The following C5orf47 variants were observed in gnomAD, a reference collection of about 807,000 sequenced individuals.
The protein encoded by C5orf47 is uncharacterized protein C5orf47.
In C5orf47, 20 loss-of-function variants were observed where a neutral mutation model predicts 20.6. That is an observed-to-expected ratio of 0.97 (90% CI 0.68 to 1.41). The LOEUF is 1.41. Ranked by LOEUF, C5orf47 falls within the 40% of genes most tolerant of loss-of-function variation. C5orf47 has a pLI of 0.00. For synonymous variants in C5orf47, 106 were observed against 97.3 expected (o/e 1.09, Z -0.53); for missense variants, 262 against 238.4 (o/e 1.10, Z -0.65).
At chr5:173,994,385 G>A (rs1475756113) in intron 1 of C5orf47, among the ~76,000 whole-genome samples, 1 of 152,134 alleles carries the variant, frequency 6.6e-6, no homozygotes, top group African/African-American at 2.4e-5. Flanking sequence ...GAAGTGTTTT[G>A]GAGCTTCTTC....
intron 1 of C5orf47, among the ~76,000 whole-genome samples, chr5:173,991,933 T>C (rs1487454824): frequency 6.6e-6 from 1 of 152,208 alleles, no homozygotes; most frequent in Non-Finnish European, 1.5e-5. Context: ...TAGAACCTAG[T>C]GCTTTTTGAG....
chr5:173,995,729 A>G (rs1243684595), intron 1 of C5orf47, among the ~76,000 whole-genome samples: 3 of 152,260 alleles, frequency 2.0e-5, no homozygotes, highest in Non-Finnish European at 2.9e-5. Context: ...CACAGTGGAC[A>G]TGTGCTATTT....
downstream of C5orf47, among the ~76,000 whole-genome samples, chr5:174,007,717 T>C (rs1317955909): frequency 5.9e-5 from 9 of 151,946 alleles, no homozygotes; most frequent in Non-Finnish European, 8.8e-5. Context: ...GCCACCACAC[T>C]CGGCTAATTT....
At chr5:173,990,618 A>G (rs75323390) in intron 1 of C5orf47, among the ~76,000 whole-genome samples, 1 of 152,080 alleles carries the variant, frequency 6.6e-6, no homozygotes, top group African/African-American at 2.4e-5. Flanking sequence ...TTCTATTTTT[A>G]GTAGGGATGG....
intron 1 of C5orf47, 68 bp from the exon 2 acceptor site, chr5:173,998,085 A>G (rs1581195625): frequency 1.1e-6 from 1 of 910,556 alleles, no homozygotes; most frequent in Non-Finnish European, 1.7e-6. Flanking sequence ...AAACATTTAT[A>G]TGGTCTCTAT....
intron 3 of C5orf47, among the ~76,000 whole-genome samples, chr5:174,000,573 C>A (rs1170766379): frequency 6.6e-6 from 1 of 152,084 alleles, no homozygotes; most frequent in Non-Finnish European, 1.5e-5. Context: ...TCTATGGCAA[C>A]TTCTATTTCA....
Position 173,989,605 on chromosome 5 carries a change from G to GGGCGGGACCGGGCGC in C5orf47, c.325+24_325+38dup, listed in dbSNP as rs1214277586. 2 of 1,404,542 alleles carry GGGCGGGACCGGGCGC rather than the reference G, an allele frequency of 1.4e-6. No homozygotes were observed. Among genetic ancestry groups the GGGCGGGACCGGGCGC allele is most frequent in the Non-Finnish European group, 1.8e-6 (2 of 1,083,028 alleles). The allele number at this position is 1,404,542 out of a possible 1,614,324, so 87.0% of individuals were successfully genotyped here. A position where few individuals can be genotyped will look rare whatever the true frequency, so the allele number is the denominator to read the frequency against. On this transcript the variant is annotated intron_variant, in intron 1 of 4. Coordinates refer to ENST00000340147, the MANE Select transcript of C5orf47 (RefSeq NM_001144954.2). ...CGCGTGCAGGTGGTGCAGCGGGGCA[G>GGGCGGGACCGGGCGC]GGCGGGACCGGGCGCGGCGGGGCGG...
rs1759249541 is a variant in C5orf47, at chr5:174,004,333, A to AATGAATC, written c.*82_*88dup. 6.6e-6 allele frequency: 1 copy of AATGAATC among 152,228 alleles called. No individual in the cohort carries two copies. The highest frequency in any genetic ancestry group is 2.1e-4 in the South Asian group (1 of 4,830). 9.4% of individuals were successfully genotyped at this position (152,228 alleles called of 1,614,324 possible). A position where few individuals can be genotyped will look rare whatever the true frequency, so the allele number is the denominator to read the frequency against. On this transcript the variant is annotated 3_prime_UTR_variant, in exon 5 of 5. Transcript: ENST00000340147. Reference sequence around the variant, plus strand: ...TGAAGAATCTAAAGATGAAACATTAAATGAATCATAATTATTTGTTAATTT... The same window carrying AATGAATC: ...TGAAGAATCTAAAGATGAAACATTAAATGAATCATGAATCATAATTATTTGTTAATTT...
In C5orf47 at chr5:173,999,810, A is replaced by G; in HGVS notation, c.511+11A>G. On this transcript the variant is annotated intron_variant, in intron 3 of 4. Transcript: ENST00000340147. Reference sequence around the variant, plus strand: ...GGTTATCTAGTGAAAGTAAGTTAACACAATTTTTATTGTATTAAAAAGACT... The same window carrying G: ...GGTTATCTAGTGAAAGTAAGTTAACGCAATTTTTATTGTATTAAAAAGACT... 3 of 1,416,088 alleles carry G rather than the reference A, an allele frequency of 2.1e-6. No homozygotes were observed. The highest frequency in any genetic ancestry group is 1.9e-6 in the Non-Finnish European group (2 of 1,032,852). The allele number at this position is 1,416,088 out of a possible 1,614,324, so 87.7% of individuals were successfully genotyped here.
At position 173,989,192 on chromosome 5, in the gene C5orf47, T is replaced by G; in HGVS notation, c.-72T>G. On this transcript the variant is annotated 5_prime_UTR_variant, in exon 1 of 5. Transcript: ENST00000340147. ...CCTAACCGCTCCCGCATCCCTCGCCTGCACAGTGGGCAGTCTGGCGCCTGT... is the reference window on the plus strand; with the variant it reads ...CCTAACCGCTCCCGCATCCCTCGCCGGCACAGTGGGCAGTCTGGCGCCTGT... 2 of 1,303,632 alleles carry G rather than the reference T, an allele frequency of 1.5e-6. No individual in the cohort carries two copies. Among genetic ancestry groups the G allele is most frequent in the Non-Finnish European group, 2.0e-6 (2 of 1,023,666 alleles). 80.8% of individuals were successfully genotyped at this position (1,303,632 alleles called of 1,614,324 possible).
intron 3 of C5orf47, among the ~76,000 whole-genome samples, chr5:174,000,444 A>G (rs980131435): frequency 3.9e-5 from 6 of 152,162 alleles, no homozygotes; most frequent in African/African-American, 7.2e-5. Flanking sequence ...TAATAATGCA[A>G]TGTGAATTGA....
downstream of C5orf47, among the ~76,000 whole-genome samples, chr5:174,006,908 T>C (rs555115310): frequency 6.6e-6 from 1 of 152,334 alleles, no homozygotes; most frequent in East Asian, 1.9e-4. Context: ...TATGAAGCCA[T>C]TCTTCCCAAC....
chr5:174,003,722 G>A (rs1382192213), intron 4 of C5orf47, among the ~76,000 whole-genome samples: 1 of 152,160 alleles, frequency 6.6e-6, no homozygotes, highest in Non-Finnish European at 1.5e-5. Flanking sequence ...GGATTATAGG[G>A]ACTTAATCAG....
chr5:173,989,738 G>T, intron 1 of C5orf47, 150 bp downstream of exon 1: 1 of 692,136 alleles, frequency 1.4e-6, no homozygotes, highest in Non-Finnish European at 2.1e-6. Context: ...GGGCGAAGGA[G>T]AAGCCCAGTA....
At chr5:174,006,494 C>T (rs547609103), downstream of C5orf47, among the ~76,000 whole-genome samples, 11 of 152,180 alleles carry the variant, frequency 7.2e-5, no homozygotes, top group African/African-American at 2.6e-4. Flanking sequence ...AAAAAACAAA[C>T]AGTGGAATAT....
downstream of C5orf47, among the ~76,000 whole-genome samples, chr5:174,006,641 T>G (rs1290318282): frequency 6.6e-6 from 1 of 152,134 alleles, no homozygotes; most frequent in Non-Finnish European, 1.5e-5. Context: ...AATAATGGTC[T>G]TGAGTTTAGG....
intron 4 of C5orf47, among the ~76,000 whole-genome samples, chr5:174,002,417 G>T (rs988072029): frequency 2.6e-5 from 4 of 152,068 alleles, no homozygotes; most frequent in Non-Finnish European, 4.4e-5. Context: ...TTGAATTTTG[G>T]GCTGAGGATT....
Position 174,001,670 on chromosome 5 carries a change from T to C in C5orf47, c.*16+439T>C, listed in dbSNP as rs113943506. Reference sequence around the variant, plus strand: ...TCTTAGTATCCTGTAGGCTGTGTTATGGCCCTTGTCCTGCCTCACTTACCA... The same window carrying C: ...TCTTAGTATCCTGTAGGCTGTGTTACGGCCCTTGTCCTGCCTCACTTACCA... On this transcript the variant is annotated intron_variant, in intron 4 of 4. Transcript: ENST00000340147. Among the ~76,000 whole-genome samples the C allele has an allele frequency of 4.8e-3, 735 of 152,254 alleles. 5 individuals carry two copies. Among genetic ancestry groups the C allele is most frequent in the African/African-American group, 0.017 (694 of 41,548 alleles).
At chr5:174,009,087 T>C (rs1439367816), downstream of C5orf47, among the ~76,000 whole-genome samples, 1 of 152,180 alleles carries the variant, frequency 6.6e-6, no homozygotes, top group Non-Finnish European at 1.5e-5. Context: ...AATCCTCATA[T>C]CATCCACTTC....
Sources: gnomAD v4.1 joint callset for allele counts (sites outside exome capture counted in the v4.1 genomes callset) on GRCh38, gnomAD v4.1.1 for gene constraint, MANE v1.5 for transcripts, NCBI Gene and HGNC (gene_info 2026-07-23, HGNC 2026-07-21) for gene names.